MDFIC2: variants seen among roughly 807,000 people sequenced by gnomAD.
MDFIC2 encodes myoD family inhibitor domain-containing protein 2.
At chr3:70,209,509 G>C (rs1208545342) in intron 2 of MDFIC2, among the ~76,000 whole-genome samples, 1 of 152,012 alleles carries the variant, frequency 6.6e-6, no homozygotes, top group Non-Finnish European at 1.5e-5. Context: ...TGAACAGATG[G>C]GAAATGTATG....
chr3:70,253,215 T>C (rs1370582070), intron 2 of MDFIC2, among the ~76,000 whole-genome samples: 1 of 152,210 alleles, frequency 6.6e-6, no homozygotes, highest in Non-Finnish European at 1.5e-5. Flanking sequence ...GGTCAGTCCT[T>C]ACTGAGAAGG....
At chr3:70,258,014 T>C (rs1252756582) in intron 2 of MDFIC2, among the ~76,000 whole-genome samples, 2 of 152,172 alleles carry the variant, frequency 1.3e-5, no homozygotes, top group Non-Finnish European at 2.9e-5. Context: ...GATGTCAAGG[T>C]AATTAAATGG....
chr3:70,289,609 C>G (rs1429631368), intron 2 of MDFIC2, among the ~76,000 whole-genome samples: 3 of 150,014 alleles, frequency 2.0e-5, no homozygotes, highest in African/African-American at 7.3e-5. Context: ...GTTGGCCTGC[C>G]TTGCTAGATT....
chr3:70,207,899 A>G (rs1274118598), intron 2 of MDFIC2, among the ~76,000 whole-genome samples: 3 of 152,034 alleles, frequency 2.0e-5, no homozygotes, highest in South Asian at 2.1e-4. Context: ...TTCTCCTGCC[A>G]TGTAATGATT....
intron 2 of MDFIC2, among the ~76,000 whole-genome samples, chr3:70,227,695 A>G (rs956862591): frequency 2.0e-5 from 3 of 152,202 alleles, no homozygotes; most frequent in Non-Finnish European, 4.4e-5. Context: ...GAGATGCCAG[A>G]TAGTGTTCTG....
intron 2 of MDFIC2, among the ~76,000 whole-genome samples, chr3:70,272,822 A>C (rs1357658734): frequency 6.6e-6 from 1 of 152,126 alleles, no homozygotes; most frequent in Admixed American, 6.5e-5. Context: ...CGAAGTTAGA[A>C]TTTTCTTTCG....
chr3:70,286,615 T>C (rs1559554362), intron 2 of MDFIC2, among the ~76,000 whole-genome samples: 1 of 152,118 alleles, frequency 6.6e-6, no homozygotes, highest in African/African-American at 2.4e-5. Flanking sequence ...GGTAGCTTGA[T>C]GGGGATGGCA....
intron 2 of MDFIC2, among the ~76,000 whole-genome samples, chr3:70,220,410 C>A (rs532929865): frequency 6.6e-6 from 1 of 152,072 alleles, no homozygotes; most frequent in Admixed American, 6.6e-5. Context: ...CTCCACTCCA[C>A]CTGGGAGACA....
intron 2 of MDFIC2, among the ~76,000 whole-genome samples, chr3:70,234,107 T>A (rs1701586933): frequency 6.6e-6 from 1 of 152,002 alleles, no homozygotes; most frequent in South Asian, 2.1e-4. Context: ...AAGACTGGAG[T>A]CATATCTAAT....
At chr3:70,219,599 A>G (rs1468288245) in intron 2 of MDFIC2, among the ~76,000 whole-genome samples, 1 of 152,192 alleles carries the variant, frequency 6.6e-6, no homozygotes, top group African/African-American at 2.4e-5. Flanking sequence ...ATTGGGATGA[A>G]AAACCAACAG....
chr3:70,287,268 G>A lies in MDFIC2; in HGVS notation c.88+24618C>T, dbSNP rs1366822913. 4.7e-3 allele frequency among the ~76,000 whole-genome samples: 658 copies of A among 140,650 alleles called. 9 individuals are homozygous for A. Among genetic ancestry groups the A allele is most frequent in the African/African-American group, 0.017 (621 of 36,634 alleles). 92.3% of individuals were successfully genotyped at this position (140,650 alleles called of 152,430 possible). ...ATTTATTGAGAGTTTTTAGCATGAA[G>A]GGTTGTTGAATTTTGTCAAAGGCCT... On this transcript the variant is annotated intron_variant, in intron 2 of 3. Coordinates refer to ENST00000567252, the MANE Select transcript of MDFIC2 (RefSeq NM_001364677.1).
At chr3:70,222,553 T>C (rs1482960235) in intron 2 of MDFIC2, among the ~76,000 whole-genome samples, 3 of 152,176 alleles carry the variant, frequency 2.0e-5, no homozygotes, top group Non-Finnish European at 4.4e-5. Context: ...TTAAATTGAA[T>C]TCCAAATAAA....
intron 2 of MDFIC2, among the ~76,000 whole-genome samples, chr3:70,251,745 TAAGG>T (rs1322575119): frequency 6.6e-6 from 1 of 152,212 alleles, no homozygotes; most frequent in Non-Finnish European, 1.5e-5. Context: ...GTTGCTCGTC[TAAGG>T]AAGATGAGGA....
intron 2 of MDFIC2, among the ~76,000 whole-genome samples, chr3:70,241,731 G>T (rs925062756): frequency 3.9e-5 from 6 of 152,092 alleles, no homozygotes; most frequent in African/African-American, 1.4e-4. Context: ...CTACTAAGGC[G>T]TCTAATGTCT....
chr3:70,287,454 T>TGG (rs1702178185), intron 2 of MDFIC2, among the ~76,000 whole-genome samples: 2 of 151,406 alleles, frequency 1.3e-5, no homozygotes, highest in Non-Finnish European at 3.0e-5. Context: ...GCTGGATTCA[T>TGG]TTTGCCAGTA....
At chr3:70,269,197 A>T (rs1306720802) in intron 2 of MDFIC2, among the ~76,000 whole-genome samples, 2 of 152,218 alleles carry the variant, frequency 1.3e-5, no homozygotes, top group Non-Finnish European at 2.9e-5. Context: ...ATATTCACAT[A>T]CAATACTCAT....
intron 2 of MDFIC2, among the ~76,000 whole-genome samples, chr3:70,254,323 C>A (rs1208975002): frequency 1.3e-5 from 2 of 152,108 alleles, no homozygotes; most frequent in African/African-American, 2.4e-5. Flanking sequence ...CCCAAACATT[C>A]TAAAATTGCA....
chr3:70,224,924 G>A (rs549549349), intron 2 of MDFIC2, among the ~76,000 whole-genome samples: 10 of 152,092 alleles, frequency 6.6e-5, no homozygotes, highest in Admixed American at 3.3e-4. Context: ...TTTGCAAAGT[G>A]TGGTGAAACA....
intron 2 of MDFIC2, among the ~76,000 whole-genome samples, chr3:70,298,843 G>T (rs1183800038): frequency 6.6e-6 from 1 of 152,080 alleles, no homozygotes. Context: ...CTTGGGACCT[G>T]GTCCTGTTGT....
Sources: allele counts gnomAD v4.1 joint callset (sites outside exome capture counted in the v4.1 genomes callset), GRCh38; gene constraint gnomAD v4.1.1; transcripts MANE v1.5; gene names NCBI Gene and HGNC (gene_info 2026-07-23, HGNC 2026-07-21).